ULK4: variants seen among roughly 807,000 people sequenced by gnomAD.
ULK4 encodes unc-51 like kinase 4.
In ULK4, 133 loss-of-function variants were observed where a neutral mutation model predicts 160.6. The observed-to-expected ratio is 0.83, with a 90% CI of 0.72 to 0.96. The LOEUF (loss-of-function observed/expected upper bound fraction) is 0.96. ULK4 is among the 40% of genes least tolerant of loss of function. The probability of loss-of-function intolerance (pLI) is 0.00; values close to 1 mark genes in which losing one functional copy is unlikely to be tolerated. For synonymous variants in ULK4, 534 were observed against 539.8 expected (o/e 0.99, Z 0.15); for missense variants, 1,580 against 1,499.5 (o/e 1.05, Z -0.89).
At chr3:41,460,821 T>C (rs1027241293) in intron 33 of ULK4, among the ~76,000 whole-genome samples, 1 of 152,130 alleles carries the variant, frequency 6.6e-6, no homozygotes, top group Non-Finnish European at 1.5e-5. Flanking sequence ...TATTCTCCCA[T>C]TGAAGTCTCA....
chr3:41,817,465 T>A (rs566621461), intron 19 of ULK4, among the ~76,000 whole-genome samples: 68 of 152,172 alleles, frequency 4.5e-4, no homozygotes, highest in Non-Finnish European at 8.1e-4. Flanking sequence ...AATCATGTTC[T>A]TTGCAACAAC....
chr3:41,695,182 T>C (rs186078730), intron 27 of ULK4, among the ~76,000 whole-genome samples: 11 of 152,216 alleles, frequency 7.2e-5, no homozygotes, highest in African/African-American at 2.4e-4. Flanking sequence ...ACCCTCATGA[T>C]CTAATCATCT....
At position 41,505,924 on chromosome 3, in the gene ULK4, T is replaced by C. The variant is rs532747646; in HGVS notation, c.3227-42671A>G. The stretch of plus-strand genomic sequence containing the variant: ...GTGAAATTTTCAATCTTCTATTAAA[T>C]ATGATATTTGCTTTAGTTTTTTGGT... On this transcript the variant is annotated intron_variant, in intron 32 of 36. Transcript: ENST00000301831. 4.4e-4 allele frequency among the ~76,000 whole-genome samples: 67 copies of C among 152,302 alleles called. No homozygotes were observed. The Middle Eastern group carries it at 0.014, about 31-fold the overall frequency.
At chr3:41,644,484 T>C (rs1194828177) in intron 30 of ULK4, among the ~76,000 whole-genome samples, 20 of 152,268 alleles carry the variant, frequency 1.3e-4, no homozygotes, top group East Asian at 1.9e-4. Context: ...TGTTTATATG[T>C]TGGATTACAT....
intron 30 of ULK4, among the ~76,000 whole-genome samples, chr3:41,644,463 C>G (rs961777021): frequency 1.0e-3 from 154 of 151,682 alleles, no homozygotes; most frequent in Non-Finnish European, 1.7e-3. Flanking sequence ...TGTGGTTTTT[C>G]TCTTTGGTTC....
chr3:41,957,326 C>T (rs934196236), intron 1 of ULK4, among the ~76,000 whole-genome samples: 3 of 150,250 alleles, frequency 2.0e-5, no homozygotes, highest in Admixed American at 6.7e-5. Context: ...TGGTGGCACA[C>T]GCTTGTAATC....
At chr3:41,412,537 A>C (rs1260510666) in intron 34 of ULK4, among the ~76,000 whole-genome samples, 2 of 144,158 alleles carry the variant, frequency 1.4e-5, no homozygotes, top group African/African-American at 2.6e-5. Context: ...ATAAAGGTCA[A>C]TGGCAATGCA....
At chr3:41,343,261 A>G (rs1195994589) in intron 35 of ULK4, among the ~76,000 whole-genome samples, 1 of 146,504 alleles carries the variant, frequency 6.8e-6, no homozygotes, top group Non-Finnish European at 1.5e-5. Flanking sequence ...ACATGATCCT[A>G]TATCTAGAAA....
intron 36 of ULK4, among the ~76,000 whole-genome samples, chr3:41,248,355 T>A (rs998315084): frequency 2.6e-5 from 4 of 152,182 alleles, no homozygotes; most frequent in African/African-American, 9.6e-5. Flanking sequence ...ACACCTTACA[T>A]GGCAGGGGCT....
chr3:41,743,898 A>G (rs1008449165), intron 22 of ULK4, among the ~76,000 whole-genome samples: 4 of 151,850 alleles, frequency 2.6e-5, no homozygotes, highest in Non-Finnish European at 5.9e-5. Context: ...GGACAAGACA[A>G]TTATATTTTA....
At chr3:41,699,170 A>T (rs1034578925) in intron 27 of ULK4, among the ~76,000 whole-genome samples, 1 of 152,114 alleles carries the variant, frequency 6.6e-6, no homozygotes, top group Non-Finnish European at 1.5e-5. Flanking sequence ...CTACTGCCCA[A>T]TAGTTTTTCA....
intron 16 of ULK4, among the ~76,000 whole-genome samples, chr3:41,886,150 T>C (rs1429606884): frequency 2.6e-5 from 4 of 152,216 alleles, no homozygotes; most frequent in African/African-American, 9.6e-5. Flanking sequence ...GTGCAGAAAG[T>C]ACCATTGTGT....
At chr3:41,604,845 C>T (rs1020016587) in intron 31 of ULK4, among the ~76,000 whole-genome samples, 3 of 152,090 alleles carry the variant, frequency 2.0e-5, no homozygotes, top group African/African-American at 7.2e-5. Context: ...CTGAAGAAGG[C>T]TGATGCAGCA....
chr3:41,499,906 A>G (rs1313710552), intron 32 of ULK4, among the ~76,000 whole-genome samples: 1 of 152,210 alleles, frequency 6.6e-6, no homozygotes, highest in Non-Finnish European at 1.5e-5. Context: ...TACTCCTTCA[A>G]TAAAGTTTGG....
chr3:41,724,452 C>T (rs968276312), intron 22 of ULK4, among the ~76,000 whole-genome samples: 6 of 152,074 alleles, frequency 3.9e-5, no homozygotes, highest in African/African-American at 4.8e-5. Flanking sequence ...CAGCCAGGCG[C>T]GGTGGCTCAC....
chr3:41,763,680 T>C (rs1485080213), intron 21 of ULK4, among the ~76,000 whole-genome samples: 2 of 152,224 alleles, frequency 1.3e-5, no homozygotes, highest in African/African-American at 4.8e-5. Context: ...TAATGTCTTT[T>C]TGTGAACATG....
At chr3:41,407,841 G>C (rs2082325063) in intron 34 of ULK4, among the ~76,000 whole-genome samples, 1 of 152,046 alleles carries the variant, frequency 6.6e-6, no homozygotes, top group South Asian at 2.1e-4. Context: ...CATTATAATG[G>C]AGGTTCTAGC....
chr3:41,495,356 G>C (rs949037630), intron 32 of ULK4, among the ~76,000 whole-genome samples: 1 of 151,988 alleles, frequency 6.6e-6, no homozygotes, highest in African/African-American at 2.4e-5. Flanking sequence ...AAATGGTGCT[G>C]GGAAAACTGG....
chr3:41,670,693 G>A (rs1317988782), intron 29 of ULK4, among the ~76,000 whole-genome samples: 1 of 151,642 alleles, frequency 6.6e-6, no homozygotes, highest in Admixed American at 6.6e-5. Flanking sequence ...AAATATAATT[G>A]CACATAGTAA....
Sources: allele counts gnomAD v4.1 joint callset (sites outside exome capture counted in the v4.1 genomes callset), GRCh38; gene constraint gnomAD v4.1.1; transcripts MANE v1.5; gene names NCBI Gene and HGNC (gene_info 2026-07-23, HGNC 2026-07-21).